EEF1AKMT1: variants seen among roughly 807,000 people sequenced by gnomAD.
The protein encoded by EEF1AKMT1 is N-6 adenine-specific DNA methyltransferase 2 (putative).
In EEF1AKMT1, 18 loss-of-function variants were observed where a neutral mutation model predicts 21.0. The ratio of observed to expected loss-of-function variants is 0.86; its 90% CI spans 0.59 to 1.27. EEF1AKMT1 has a LOEUF of 1.27. EEF1AKMT1 is among the 50% of genes most tolerant of loss of function. The pLI is 0.00. For synonymous variants in EEF1AKMT1, 109 were observed against 94.8 expected, an observed-to-expected ratio of 1.15 and a Z score of -0.87; for missense variants, 246 against 258.6, an observed-to-expected ratio of 0.95 and a Z score of 0.33.
intron 3 of EEF1AKMT1, among the ~76,000 whole-genome samples, chr13:20,732,354 T>C (rs2058802673): frequency 6.6e-6 from 1 of 152,188 alleles, no homozygotes. Flanking sequence ...TTTTTTGAGA[T>C]GGAGTCTCAC....
At position 20,737,929 on chromosome 13, in the gene EEF1AKMT1, A is replaced by T. The variant is rs533684293; in HGVS notation, c.145-124T>A. 7 of 518,530 alleles carry T rather than the reference A, an allele frequency of 1.3e-5. No homozygotes were observed. In the South Asian group the frequency reaches 1.5e-4, roughly 11 times the overall value. 32.1% of individuals were successfully genotyped at this position (518,530 alleles called of 1,614,324 possible). A position where few individuals can be genotyped will look rare whatever the true frequency, so the allele number is the denominator to read the frequency against. Reference sequence around the variant, plus strand: ...TTTTAATTTATATATAATCTATACCAGTGGACAGATATTTTTAAAAAGTTT... The same window carrying T: ...TTTTAATTTATATATAATCTATACCTGTGGACAGATATTTTTAAAAAGTTT... On this transcript the variant is annotated intron_variant, in intron 2 of 4. Coordinates refer to ENST00000382758, the MANE Select transcript of EEF1AKMT1 (RefSeq NM_001318939.2).
intron 1 of EEF1AKMT1, among the ~76,000 whole-genome samples, chr13:20,760,142 T>A (rs1400217467): frequency 6.9e-5 from 9 of 130,192 alleles, no homozygotes; most frequent in Non-Finnish European, 1.2e-4. Context: ...AAATAACAGA[T>A]GTGGGCAAGG....
intron 2 of EEF1AKMT1, among the ~76,000 whole-genome samples, chr13:20,753,808 T>C (rs1566535158): frequency 6.6e-6 from 1 of 152,176 alleles, no homozygotes; most frequent in East Asian, 1.9e-4. Flanking sequence ...TCTGTATGTC[T>C]TTACAGGTGA....
intron 3 of EEF1AKMT1, among the ~76,000 whole-genome samples, chr13:20,737,130 C>T (rs549426900): frequency 3.9e-5 from 6 of 152,062 alleles, no homozygotes; most frequent in Non-Finnish European, 8.8e-5. Flanking sequence ...CTTTGGGAGC[C>T]TGAGGCAGGT....
chr13:20,733,611 G>A (rs1365209075), intron 3 of EEF1AKMT1, among the ~76,000 whole-genome samples: 2 of 152,158 alleles, frequency 1.3e-5, no homozygotes, highest in African/African-American at 4.8e-5. Flanking sequence ...TCTATTCAAG[G>A]AACAGAACAG....
intron 1 of EEF1AKMT1, among the ~76,000 whole-genome samples, chr13:20,762,175 C>CTTTTTT (rs57340074): frequency 1.5e-5 from 2 of 131,332 alleles, no homozygotes; most frequent in African/African-American, 2.9e-5. Context: ...TTTCATCAGT[C>CTTTTTT]TTTTTTTTTT....
chr13:20,739,672 T>C (rs1334292510), intron 2 of EEF1AKMT1, among the ~76,000 whole-genome samples: 2 of 152,242 alleles, frequency 1.3e-5, no homozygotes, highest in Non-Finnish European at 2.9e-5. Context: ...AGAGTGCTGA[T>C]TGGTGAGTTT....
At chr13:20,743,852 C>A (rs1408382135) in intron 2 of EEF1AKMT1, among the ~76,000 whole-genome samples, 6 of 151,954 alleles carry the variant, frequency 3.9e-5, no homozygotes, top group Non-Finnish European at 5.9e-5. Flanking sequence ...TCCCCCACCC[C>A]CTGACAGGCC....
intron 2 of EEF1AKMT1, among the ~76,000 whole-genome samples, chr13:20,744,106 T>G (rs1344883822): frequency 6.6e-6 from 1 of 152,196 alleles, no homozygotes; most frequent in African/African-American, 2.4e-5. Flanking sequence ...TGATGGGCAT[T>G]TGGGTTGGTT....
intron 2 of EEF1AKMT1, among the ~76,000 whole-genome samples, chr13:20,746,635 T>C (rs2058906668): frequency 6.6e-6 from 1 of 152,242 alleles, no homozygotes; most frequent in South Asian, 2.1e-4. Flanking sequence ...GCTGGTTTAC[T>C]ACTGAACTGC....
At chr13:20,768,560 T>C (rs1401993570) in intron 1 of EEF1AKMT1, among the ~76,000 whole-genome samples, 8 of 152,162 alleles carry the variant, frequency 5.3e-5, no homozygotes, top group African/African-American at 1.2e-4. Flanking sequence ...CTATTCTCTC[T>C]GGTACTCAGC....
At chr13:20,758,799 G>T (rs1408347759) in intron 1 of EEF1AKMT1, among the ~76,000 whole-genome samples, 3 of 152,054 alleles carry the variant, frequency 2.0e-5, no homozygotes, top group Non-Finnish European at 4.4e-5. Flanking sequence ...AACCAAAACA[G>T]CATGGTACAG....
chr13:20,761,059 A>G (rs1318810215), intron 1 of EEF1AKMT1, among the ~76,000 whole-genome samples: 1 of 152,210 alleles, frequency 6.6e-6, no homozygotes, highest in East Asian at 1.9e-4. Context: ...GAACAGTACA[A>G]TCCACAGAGC....
intron 4 of EEF1AKMT1, among the ~76,000 whole-genome samples, chr13:20,730,988 C>T (rs947686419): frequency 1.3e-5 from 2 of 152,158 alleles, no homozygotes; most frequent in African/African-American, 2.4e-5. Context: ...CTGAAGTCAG[C>T]GAGACCACGA....
At chr13:20,733,074 ATTGAG>A (rs1194663052) in intron 3 of EEF1AKMT1, among the ~76,000 whole-genome samples, 1 of 148,284 alleles carries the variant, frequency 6.7e-6, no homozygotes. Flanking sequence ...ATACGGAATT[ATTGAG>A]TTGACTGTGA....
At chr13:20,768,626 T>G (rs976420467) in intron 1 of EEF1AKMT1, among the ~76,000 whole-genome samples, 1 of 152,154 alleles carries the variant, frequency 6.6e-6, no homozygotes, top group Admixed American at 6.5e-5. Context: ...TAGGGTATTT[T>G]ATGTGTGGCC....
At chr13:20,753,390 G>T (rs754737876) in intron 2 of EEF1AKMT1, among the ~76,000 whole-genome samples, 2 of 152,168 alleles carry the variant, frequency 1.3e-5, no homozygotes, top group African/African-American at 2.4e-5. Flanking sequence ...GTGATGATGA[G>T]AAGAATGCAT....
intron 2 of EEF1AKMT1, among the ~76,000 whole-genome samples, chr13:20,753,243 CAA>C (rs1471648682): frequency 6.6e-6 from 1 of 151,948 alleles, no homozygotes; most frequent in African/African-American, 2.4e-5. Context: ...TTTTAGTTTC[CAA>C]AGTTTCTCCT....
At position 20,737,770 on chromosome 13, in the gene EEF1AKMT1, A is replaced by G; in HGVS notation, c.180T>C (p.Ala60=). Residue 60 remains alanine (A), a synonymous_variant, in exon 3 of 5, where the codon GCT becomes GCC. Transcript: ENST00000382758. Reference sequence around the variant, plus strand: ...CAATTGCCTCCTGTGCCAGCTGCAGAGCAGTTTCCTGACTATACCAAAACT... The same window carrying G: ...CAATTGCCTCCTGTGCCAGCTGCAGGGCAGTTTCCTGACTATACCAAAACT... The part of the protein sequence containing the change: ...LSQFWYSQET[A]LQLAQEAIAA... 1 of 1,613,106 alleles carries G rather than the reference A, an allele frequency of 6.2e-7. No homozygotes were observed. Among genetic ancestry groups the G allele is most frequent in the Non-Finnish European group, 8.5e-7 (1 of 1,179,562 alleles).
Sources: gnomAD v4.1 joint callset for allele counts (sites outside exome capture counted in the v4.1 genomes callset) on GRCh38, gnomAD v4.1.1 for gene constraint, MANE v1.5 for transcripts, NCBI Gene and HGNC (gene_info 2026-07-23, HGNC 2026-07-21) for gene names.